Variants in CDH2 observed in about 807,000 individuals in gnomAD.
CDH2 encodes the protein cadherin 2.
A neutral mutation model predicts 92.0 loss-of-function variants in CDH2; 17 were observed. That is an observed-to-expected ratio of 0.18 (90% CI 0.13 to 0.28). CDH2 has a LOEUF of 0.28. Among genes scored for constraint, CDH2 ranks in the 10% least tolerant of loss-of-function variants. The pLI, the probability that CDH2 is intolerant of heterozygous loss-of-function variation, is 1.00. For missense variants in CDH2, 862 were observed against 1,133.1 expected (o/e 0.76, Z 3.44); for synonymous variants, 419 against 415.9 (o/e 1.01, Z -0.09).
chr18:28,098,986 A>C (rs1051288198), intron 2 of CDH2, among the ~76,000 whole-genome samples: 1 of 152,146 alleles, frequency 6.6e-6, no homozygotes, highest in Non-Finnish European at 1.5e-5. Context: ...AACTGGATGG[A>C]TTTAAGTAAT....
In CDH2 at chr18:28,013,514, G is replaced by A. The variant is rs557418833; in HGVS notation, c.399+169C>T. Among the ~76,000 whole-genome samples the A allele has an allele frequency of 2.7e-4, 41 of 152,110 alleles. No individual in the cohort carries two copies. In the South Asian group the frequency reaches 7.3e-3, roughly 27 times the overall value. On this transcript the variant is annotated intron_variant, in intron 3 of 15. Coordinates refer to ENST00000269141, the MANE Select transcript of CDH2 (RefSeq NM_001792.5). ...GTTGCTTAAAATATATTTAGTCTAC[G>A]TATCTTAAGAGATTACAAACACAAC... is the stretch of plus-strand genomic sequence containing the variant.
At chr18:28,076,762 T>C (rs114237658) in intron 2 of CDH2, among the ~76,000 whole-genome samples, 92 of 145,990 alleles carry the variant, frequency 6.3e-4, no homozygotes, top group South Asian at 3.4e-3. Context: ...CACTGTTCAA[T>C]TGAACAATGA....
intron 14 of CDH2, among the ~76,000 whole-genome samples, chr18:27,972,635 G>A (rs571917119): frequency 5.9e-5 from 9 of 152,270 alleles, no homozygotes; most frequent in Admixed American, 3.9e-4. Flanking sequence ...TGAAGTTATC[G>A]GGAGTATACT....
In CDH2 at chr18:28,143,245, CTT is replaced by C. The variant is rs147546522; in HGVS notation, c.172+4426_172+4427del. On this transcript the variant is annotated intron_variant, in intron 2 of 15. Coordinates refer to ENST00000269141, the MANE Select transcript of CDH2 (RefSeq NM_001792.5). Reference sequence around the variant, plus strand: ...AATGCAAAACACACAGAATATCACTCTTGACATCCACACTAAAAACAGCCCAG... The same window carrying C: ...AATGCAAAACACACAGAATATCACTCGACATCCACACTAAAAACAGCCCAG... Among the ~76,000 whole-genome samples, 676 of 152,154 alleles carry C rather than the reference CTT, an allele frequency of 4.4e-3. 1 individual carries two copies. Among genetic ancestry groups the C allele is most frequent in the Non-Finnish European group, 6.8e-3 (459 of 67,954 alleles).
intron 14 of CDH2, among the ~76,000 whole-genome samples, chr18:27,978,432 T>A (rs370132533): frequency 6.6e-6 from 1 of 152,124 alleles, no homozygotes; most frequent in Non-Finnish European, 1.5e-5. Flanking sequence ...TTTATGGCAA[T>A]GTAGCACCGC....
chr18:28,000,575 C>CT (rs1043009823), intron 7 of CDH2, among the ~76,000 whole-genome samples: 1 of 151,994 alleles, frequency 6.6e-6, no homozygotes, highest in African/African-American at 2.4e-5. Context: ...AGGGGTGAGT[C>CT]TTTGACAGTC....
intron 1 of CDH2, among the ~76,000 whole-genome samples, chr18:28,174,398 G>A (rs543032827): frequency 6.6e-6 from 1 of 152,280 alleles, no homozygotes; most frequent in African/African-American, 2.4e-5. Flanking sequence ...TCCACATGGT[G>A]CACTTAACCC....
chr18:27,935,418 T>C (rs17492952), intron 6 of CDH2, among the ~76,000 whole-genome samples: 103 of 152,244 alleles, frequency 6.8e-4, no homozygotes, highest in African/African-American at 2.4e-3. Context: ...CAAGACAGCA[T>C]AGGGGGATAG....
rs758212729 is a variant in CDH2 at position 27,988,583 on chromosome 18, C to T, written c.1682G>A (p.Arg561Gln). 4 of 1,611,162 alleles carry T rather than the reference C, an allele frequency of 2.5e-6. No homozygotes were observed. The highest frequency in any genetic ancestry group is 3.4e-6 in the Non-Finnish European group (4 of 1,177,454). ...GQITTIAVLD[R>Q]ESPNVKNNIY... ...ATTGTTTTTCACATTTGGTGATTCT[C>T]GGTCCAAAACAGCAATTGTAGTTAT... The change falls in exon 11 of 16, where the codon CGA becomes CAA. Residue 561 changes from arginine to glutamine, a missense_variant. Arg to Gln is a conservative substitution (Grantham distance 43). Around this residue, in one of 5 missense-constraint regions of CDH2, gnomAD observed 564 missense variants for 722.2 expected, o/e 0.78. Coordinates refer to ENST00000269141, the MANE Select transcript of CDH2 (RefSeq NM_001792.5).
intron 2 of CDH2, among the ~76,000 whole-genome samples, chr18:28,055,534 C>CTAT (rs985511237): frequency 2.0e-5 from 3 of 152,154 alleles, no homozygotes; most frequent in Non-Finnish European, 4.4e-5. Flanking sequence ...AATGAAAAAT[C>CTAT]TTAATGATAT....
At chr18:28,071,048 G>A (rs781635499) in intron 2 of CDH2, among the ~76,000 whole-genome samples, 1 of 151,900 alleles carries the variant, frequency 6.6e-6, no homozygotes, top group Non-Finnish European at 1.5e-5. Flanking sequence ...CTGATAATTT[G>A]GGGAAAGAAT....
At chr18:28,090,903 G>C (rs1599093508) in intron 2 of CDH2, among the ~76,000 whole-genome samples, 1 of 152,102 alleles carries the variant, frequency 6.6e-6, no homozygotes, top group East Asian at 1.9e-4. Flanking sequence ...AGAACATTGA[G>C]ATAATAGAGA....
intron 2 of CDH2, among the ~76,000 whole-genome samples, chr18:28,056,982 G>A (rs1286042854): frequency 6.6e-6 from 1 of 152,068 alleles, no homozygotes; most frequent in African/African-American, 2.4e-5. Flanking sequence ...TTGAATTATT[G>A]TATGACACAG....
At chr18:27,957,022 G>T (rs1306470535) in intron 15 of CDH2, among the ~76,000 whole-genome samples, 1 of 151,782 alleles carries the variant, frequency 6.6e-6, no homozygotes, top group Non-Finnish European at 1.5e-5. Flanking sequence ...ACCCCCAAAG[G>T]GAATCCCCCC....
chr18:28,131,206 C>T (rs2015763768), intron 2 of CDH2, among the ~76,000 whole-genome samples: 1 of 151,944 alleles, frequency 6.6e-6, no homozygotes, highest in South Asian at 2.1e-4. Context: ...GGTCTATTCA[C>T]AAATTTAGAA....
chr18:28,081,435 G>A (rs2014827592), intron 2 of CDH2, among the ~76,000 whole-genome samples: 1 of 152,040 alleles, frequency 6.6e-6, no homozygotes, highest in African/African-American at 2.4e-5. Flanking sequence ...GACAGTAAGA[G>A]CAACTTTTAG....
intron 2 of CDH2, among the ~76,000 whole-genome samples, chr18:28,065,629 G>T (rs755529858): frequency 1.4e-4 from 21 of 152,142 alleles, no homozygotes; most frequent in Non-Finnish European, 2.6e-4. Context: ...GTAACTAGCC[G>T]TAGAATTGGT....
intron 2 of CDH2, among the ~76,000 whole-genome samples, chr18:28,041,145 T>A (rs2013940287): frequency 6.6e-6 from 1 of 152,160 alleles, no homozygotes; most frequent in African/African-American, 2.4e-5. Flanking sequence ...TTAGTAACTT[T>A]ATGAAAAAAA....
At chr18:28,172,951 T>G (rs1294703456) in intron 1 of CDH2, among the ~76,000 whole-genome samples, 1 of 152,152 alleles carries the variant, frequency 6.6e-6, no homozygotes, top group Admixed American at 6.5e-5. Flanking sequence ...GCTTTAAGTC[T>G]TGACATTTCC....
Sources: allele counts gnomAD v4.1 joint callset (sites outside exome capture counted in the v4.1 genomes callset), GRCh38; gene constraint gnomAD v4.1.1; regional missense constraint gnomAD v4.1.1; transcripts MANE v1.5; gene names NCBI Gene and HGNC (gene_info 2026-07-23, HGNC 2026-07-21).